The following BCKDHB variants were observed in gnomAD, a reference collection of about 807,000 sequenced individuals.
The protein encoded by BCKDHB is branched chain keto acid dehydrogenase E1 subunit beta.
In BCKDHB, 41 loss-of-function variants were observed where a neutral mutation model predicts 48.5. The ratio of observed to expected loss-of-function variants is 0.85; its 90% confidence interval spans 0.66 to 1.10. BCKDHB has a LOEUF of 1.10. BCKDHB is among the 50% of genes least tolerant of loss of function. The pLI, the probability that BCKDHB is intolerant of heterozygous loss-of-function variation, is 0.00. For synonymous variants in BCKDHB, 201 were observed against 174.8 expected (o/e 1.15, Z -1.18); for missense variants, 496 against 494.2 (o/e 1.00, Z -0.03).
chr6:80,408,697 G>A, the BCKDHB span, among the ~76,000 whole-genome samples: 2 of 151,612 alleles, frequency 1.3e-5, no homozygotes, highest in Non-Finnish European at 2.9e-5. Flanking sequence ...GGGATTGGTG[G>A]TGATATTCCT....
chr6:80,413,204 G>A, the BCKDHB span, among the ~76,000 whole-genome samples: 2 of 151,982 alleles, frequency 1.3e-5, no homozygotes, highest in Non-Finnish European at 2.9e-5. Context: ...TAAAAAGATA[G>A]TATATCAAAG....
intron 9 of BCKDHB, among the ~76,000 whole-genome samples, chr6:80,284,604 A>C (rs1435506669): frequency 6.6e-6 from 1 of 152,128 alleles, no homozygotes; most frequent in Admixed American, 6.6e-5. Flanking sequence ...TTCAGATGGC[A>C]CAAAGAGTCT....
intron 9 of BCKDHB, among the ~76,000 whole-genome samples, chr6:80,308,751 C>T (rs184943603): frequency 3.2e-4 from 49 of 151,966 alleles, no homozygotes; most frequent in African/African-American, 1.0e-3. Context: ...CCCGCCACCA[C>T]GCCCGGCTAA....
Position 80,333,390 on chromosome 6 carries a change from T to C in BCKDHB, c.1039-10274T>C, listed in dbSNP as rs1769420127. Among the ~76,000 whole-genome samples, 6 of 152,304 alleles carry C rather than the reference T, an allele frequency of 3.9e-5. No homozygotes were observed. In the South Asian group the frequency reaches 1.2e-3, roughly 32 times the overall value. ...TTTATTTATGATTAAATAATATCTG[T>C]GTGGTTACTATTTAGTCTGGGTAAC... On this transcript the variant is annotated intron_variant, in intron 9 of 9. Transcript: ENST00000320393.
At chr6:80,146,585 A>T (rs988114148) in intron 3 of BCKDHB, among the ~76,000 whole-genome samples, 2 of 152,148 alleles carry the variant, frequency 1.3e-5, no homozygotes, top group Admixed American at 1.3e-4. Flanking sequence ...TGGAAGCTGG[A>T]AGGTAAAGGA....
chr6:80,302,175 A>G (rs1354539176), intron 9 of BCKDHB, among the ~76,000 whole-genome samples: 1 of 152,146 alleles, frequency 6.6e-6, no homozygotes, highest in Non-Finnish European at 1.5e-5. Context: ...GAAAGAAATA[A>G]AAGGCATTCA....
rs73750071 is a variant in BCKDHB, at chr6:80,167,881, C to T, written c.477+70C>T. Reference sequence around the variant, plus strand: ...TCAAGTATTGCCGCTACCCTTCCACCCACCCTTACCTGCATTCTAAACATT... The same window carrying T: ...TCAAGTATTGCCGCTACCCTTCCACTCACCCTTACCTGCATTCTAAACATT... On this transcript the variant is annotated intron_variant, in intron 4 of 9. Transcript: ENST00000320393. 5,558 of 1,438,000 alleles carry T rather than the reference C, an allele frequency of 3.9e-3. 155 individuals carry two copies. In the African/African-American group the frequency reaches 0.067, roughly 17 times the overall value. The allele number at this position is 1,438,000 out of a possible 1,614,324, so 89.1% of individuals were successfully genotyped here.
the BCKDHB span, among the ~76,000 whole-genome samples, chr6:80,427,464 T>C: frequency 6.6e-6 from 1 of 152,168 alleles, no homozygotes; most frequent in Non-Finnish European, 1.5e-5. Flanking sequence ...TATTTTTGCT[T>C]GAACAATTAT....
At chr6:80,127,466 A>T (rs1366065593) in intron 1 of BCKDHB, 81 bp from the exon 2 acceptor site, 3 of 1,093,592 alleles carry the variant, frequency 2.7e-6, no homozygotes, top group Non-Finnish European at 4.2e-6. Context: ...ATTTTAGTCA[A>T]GTTGTAATTA....
chr6:80,274,286 G>A (rs955409286), intron 9 of BCKDHB, among the ~76,000 whole-genome samples: 12 of 151,800 alleles, frequency 7.9e-5, no homozygotes, highest in African/African-American at 2.2e-4. Flanking sequence ...AGTCAAAAAC[G>A]AAATTATTTT....
chr6:80,348,107 T>A (rs565021192), downstream of BCKDHB, among the ~76,000 whole-genome samples: 1,008 of 151,612 alleles, frequency 6.6e-3, 10 homozygotes, highest in Non-Finnish European at 0.01. Flanking sequence ...CCTGTGTACA[T>A]TTTAAAAAAA....
rs549703491 is a variant in BCKDHB at position 80,242,155 on chromosome 6, A to G, written c.952-30980A>G. ...CACAAGATCATGAAGATATTTTAAA[A>G]TATTTTGAATAGTTTTAAAGTTTTA... On this transcript the variant is annotated intron_variant, in intron 8 of 9. Transcript: ENST00000320393. 2.0e-5 allele frequency among the ~76,000 whole-genome samples: 3 copies of G among 152,280 alleles called. No individual in the cohort carries two copies. The East Asian group carries it at 5.8e-4, about 29-fold the overall frequency.
intron 8 of BCKDHB, among the ~76,000 whole-genome samples, chr6:80,205,851 A>C (rs1408118526): frequency 6.8e-6 from 1 of 147,330 alleles, no homozygotes; most frequent in Non-Finnish European, 1.5e-5. Flanking sequence ...GATTGGCTTA[A>C]GAGAATCAGC....
the BCKDHB span, among the ~76,000 whole-genome samples, chr6:80,438,776 G>T: frequency 2.6e-5 from 4 of 152,148 alleles, no homozygotes; most frequent in Non-Finnish European, 5.9e-5. Flanking sequence ...ATTAAATGGG[G>T]TTACATCTGT....
rs1197466624 is a variant in BCKDHB at position 80,106,766 on chromosome 6, C to T, written c.73C>T (p.Arg25Trp). The T allele has an allele frequency of 6.3e-7, 1 of 1,582,896 alleles. No individual in the cohort carries two copies. Among genetic ancestry groups the T allele is most frequent in the Non-Finnish European group, 8.6e-7 (1 of 1,165,758 alleles). Residue 25 changes from arginine (R) to tryptophan (W), a missense_variant, in exon 1 of 10, where the codon CGG becomes TGG. Physicochemically the swap from Arg to Trp is moderately radical, Grantham distance 101. Transcript: ENST00000320393. ...RAAGAEGHWR[R>W]LPGAGLARGF... is the part of the protein sequence containing the mutation. Reference sequence around the variant, plus strand: ...GGCAGGGGCTGAGGGGCACTGGCGTCGGCTTCCTGGCGCGGGGCTGGCGCG... The same window carrying T: ...GGCAGGGGCTGAGGGGCACTGGCGTTGGCTTCCTGGCGCGGGGCTGGCGCG...
the BCKDHB span, among the ~76,000 whole-genome samples, chr6:80,449,442 A>G: frequency 5.3e-5 from 8 of 152,214 alleles, no homozygotes; most frequent in African/African-American, 1.9e-4. Flanking sequence ...TATTCCACAG[A>G]GAACATGGAT....
At chr6:80,268,388 G>T (rs1582472484) in intron 8 of BCKDHB, among the ~76,000 whole-genome samples, 1 of 152,132 alleles carries the variant, frequency 6.6e-6, no homozygotes, top group East Asian at 1.9e-4. Context: ...CATATATGAG[G>T]TTCTCTTGAT....
chr6:80,340,241 A>G (rs1004283638), intron 9 of BCKDHB, among the ~76,000 whole-genome samples: 1 of 152,222 alleles, frequency 6.6e-6, no homozygotes, highest in African/African-American at 2.4e-5. Flanking sequence ...TCACATTGCC[A>G]ACAGAATATA....
At chr6:80,343,159 A>C (rs1770006481) in intron 9 of BCKDHB, among the ~76,000 whole-genome samples, 1 of 152,250 alleles carries the variant, frequency 6.6e-6, no homozygotes, top group Admixed American at 6.5e-5. Context: ...CATTATCTGC[A>C]AAAGCTAGAC....
Sources: gnomAD v4.1 joint callset for allele counts (sites outside exome capture counted in the v4.1 genomes callset) on GRCh38, gnomAD v4.1.1 for gene constraint, MANE v1.5 for transcripts, NCBI Gene and HGNC (gene_info 2026-07-23, HGNC 2026-07-21) for gene names.